TENM4: variants seen among roughly 807,000 people sequenced by gnomAD.
TENM4 encodes the protein teneurin-4.
A neutral mutation model predicts 243.3 loss-of-function variants in TENM4; 82 were observed. The ratio of observed to expected loss-of-function variants is 0.34; its 90% CI spans 0.28 to 0.40. The LOEUF (loss-of-function observed/expected upper bound fraction) is 0.40. Ranked by LOEUF, TENM4 falls within the 10% of genes least tolerant of loss-of-function variation. The probability of loss-of-function intolerance (pLI) is 1.00; values close to 1 mark genes in which losing one functional copy is unlikely to be tolerated. For missense variants in TENM4, 3,138 were observed against 3,673.3 expected (o/e 0.85, Z 3.77); for synonymous variants, 1,412 against 1,456.3 (o/e 0.97, Z 0.69).
chr11:78,963,622 G>C (rs1393760624), intron 6 of TENM4, among the ~76,000 whole-genome samples: 3 of 152,128 alleles, frequency 2.0e-5, no homozygotes, highest in African/African-American at 7.2e-5. Context: ...ACAGAGAGCG[G>C]CTGATTATTT....
chr11:78,950,317 G>A lies in TENM4; in HGVS notation c.494-46794C>T, dbSNP rs1399749881. ...TCCATTCAGGGGCCTCTGGCCAGGGGTCATAAACTGCTCCCAAAATGTGCA... is the reference window on the plus strand; with the variant it reads ...TCCATTCAGGGGCCTCTGGCCAGGGATCATAAACTGCTCCCAAAATGTGCA... On this transcript the variant is annotated intron_variant, in intron 6 of 33. Transcript: ENST00000278550. Among the ~76,000 whole-genome samples the A allele has an allele frequency of 2.6e-5, 4 of 152,152 alleles. No homozygotes were observed. In the East Asian group the frequency reaches 7.7e-4, roughly 29 times the overall value.
chr11:79,262,275 C>T (rs574166123), intron 2 of TENM4, among the ~76,000 whole-genome samples: 1 of 152,282 alleles, frequency 6.6e-6, no homozygotes, highest in African/African-American at 2.4e-5. Flanking sequence ...TGAGAGGTTG[C>T]AAAGTGCTGT....
chr11:79,053,626 C>G (rs58414151), intron 6 of TENM4, among the ~76,000 whole-genome samples: 10,503 of 152,198 alleles, frequency 0.069, 1,200 homozygotes, highest in African/African-American at 0.23. Context: ...GTCTGCAGTC[C>G]AATGCCCCTT....
intron 3 of TENM4, among the ~76,000 whole-genome samples, chr11:79,202,530 TC>T (rs1475108818): frequency 6.6e-6 from 1 of 152,226 alleles, no homozygotes; most frequent in Non-Finnish European, 1.5e-5. Context: ...ATTTGAAGCT[TC>T]TTAACCTGGA....
chr11:79,396,041 G>A (rs112556352), intron 1 of TENM4, among the ~76,000 whole-genome samples: 2 of 152,128 alleles, frequency 1.3e-5, no homozygotes, highest in African/African-American at 4.8e-5. Context: ...AAGTCCTCAT[G>A]CATTTATTTT....
At chr11:78,675,481 T>A (rs1858444431) in intron 30 of TENM4, among the ~76,000 whole-genome samples, 1 of 152,048 alleles carries the variant, frequency 6.6e-6, no homozygotes. Flanking sequence ...TTTCTCAAGG[T>A]GGAGGAAAAA....
intron 4 of TENM4, among the ~76,000 whole-genome samples, chr11:79,089,787 A>G (rs944472883): frequency 6.6e-6 from 1 of 152,110 alleles, no homozygotes; most frequent in African/African-American, 2.4e-5. Flanking sequence ...TAACAAGTAC[A>G]CACAGTGGTT....
intron 18 of TENM4, among the ~76,000 whole-genome samples, chr11:78,758,569 T>A (rs182379920): frequency 6.6e-6 from 1 of 152,232 alleles, no homozygotes; most frequent in Admixed American, 6.5e-5. Context: ...GTTTTCTCCA[T>A]GGAGTTTACA....
intron 12 of TENM4, among the ~76,000 whole-genome samples, chr11:78,846,410 C>G (rs575511995): frequency 1.3e-5 from 2 of 152,160 alleles, no homozygotes; most frequent in Non-Finnish European, 2.9e-5. Flanking sequence ...AGTGACAGTA[C>G]ATGCCTGCTC....
intron 6 of TENM4, among the ~76,000 whole-genome samples, chr11:79,048,692 T>G (rs1859721438): frequency 6.6e-6 from 1 of 152,162 alleles, no homozygotes. Context: ...GAAGACTGAT[T>G]CGGGGTAGCA....
chr11:79,059,042 T>G (rs1023672769), intron 6 of TENM4, among the ~76,000 whole-genome samples: 7 of 152,194 alleles, frequency 4.6e-5, no homozygotes, highest in Admixed American at 2.0e-4. Flanking sequence ...TGAGTTCCTT[T>G]CTCACTGTGC....
chr11:79,125,622 C>CT (rs756288961), intron 4 of TENM4, among the ~76,000 whole-genome samples: 27 of 152,082 alleles, frequency 1.8e-4, no homozygotes, highest in Non-Finnish European at 2.6e-4. Context: ...CTCTGATGAA[C>CT]TTTTTTGCCA....
chr11:79,097,862 A>G (rs1246718013), intron 4 of TENM4: 1 of 152,050 alleles, frequency 6.6e-6, no homozygotes, highest in East Asian at 1.9e-4. Flanking sequence ...AGATTCTGAA[A>G]AAGGTAAGAA....
chr11:79,271,584 C>T (rs2135346023), intron 2 of TENM4, among the ~76,000 whole-genome samples: 1 of 152,314 alleles, frequency 6.6e-6, no homozygotes, highest in South Asian at 2.1e-4. Context: ...GCAGGGCCAG[C>T]CCTCCTGAGG....
intron 12 of TENM4, among the ~76,000 whole-genome samples, chr11:78,816,725 A>G (rs1206973110): frequency 1.3e-5 from 2 of 152,212 alleles, no homozygotes; most frequent in African/African-American, 2.4e-5. Flanking sequence ...GTCTTAGCTC[A>G]CAACTATAAG....
chr11:79,198,017 A>G (rs1863665559), intron 3 of TENM4, among the ~76,000 whole-genome samples: 1 of 152,216 alleles, frequency 6.6e-6, no homozygotes, highest in Non-Finnish European at 1.5e-5. Flanking sequence ...TAACCTGGGC[A>G]TCCTCTTTTG....
At chr11:79,164,866 G>A (rs1399326983) in intron 3 of TENM4, among the ~76,000 whole-genome samples, 1 of 151,846 alleles carries the variant, frequency 6.6e-6, no homozygotes, top group Admixed American at 6.6e-5. Context: ...CCCTAGCCAT[G>A]TGGAACGGTA....
intron 15 of TENM4, among the ~76,000 whole-genome samples, chr11:78,789,450 C>T (rs776241835): frequency 2.7e-4 from 41 of 152,204 alleles, no homozygotes; most frequent in Non-Finnish European, 5.1e-4. Flanking sequence ...TATCCTAGGT[C>T]CTGTCTCTGT....
At chr11:78,931,197 C>T (rs906151792) in intron 6 of TENM4, among the ~76,000 whole-genome samples, 4 of 152,128 alleles carry the variant, frequency 2.6e-5, no homozygotes, top group African/African-American at 7.2e-5. Flanking sequence ...TGTGGAGAAG[C>T]GCCCTGTCCA....
Sources: gnomAD v4.1 joint callset for allele counts (sites outside exome capture counted in the v4.1 genomes callset) on GRCh38, gnomAD v4.1.1 for gene constraint, MANE v1.5 for transcripts, NCBI Gene and HGNC (gene_info 2026-07-23, HGNC 2026-07-21) for gene names.